The following TPD52 variants were observed in gnomAD, a reference collection of about 807,000 sequenced individuals.
TPD52 encodes the protein tumor protein D52, also known as prostate and colon associated protein.
In TPD52, 17 loss-of-function variants were observed where a neutral mutation model predicts 31.3. The ratio of observed to expected loss-of-function variants is 0.54; its 90% CI spans 0.37 to 0.82. The LOEUF is 0.82. Among genes scored for constraint, TPD52 ranks in the 40% least tolerant of loss-of-function variants. The pLI is 0.00. For synonymous variants in TPD52, 83 were observed against 89.6 expected, an observed-to-expected ratio of 0.93 and a Z score of 0.42; for missense variants, 212 against 240.1, an observed-to-expected ratio of 0.88 and a Z score of 0.77.
rs116527409 is a variant in TPD52, at chr8:80,125,292, T to C, written c.19+46133A>G. On this transcript the variant is annotated intron_variant, in intron 1 of 7. Transcript: ENST00000518937. ...TGGAGAGACTAGCCTAACCAAAATA[T>C]TAATAACGAGACCCCCTCTCTACAA... is the stretch of plus-strand genomic sequence containing the variant. Among the ~76,000 whole-genome samples, 783 of 152,264 alleles carry C rather than the reference T, an allele frequency of 5.1e-3. 7 individuals are homozygous for C. Among genetic ancestry groups the C allele is most frequent in the African/African-American group, 0.018 (745 of 41,552 alleles).
chr8:80,130,870 C>G (rs1311501016), intron 1 of TPD52, among the ~76,000 whole-genome samples: 1 of 152,172 alleles, frequency 6.6e-6, no homozygotes, highest in African/African-American at 2.4e-5. Flanking sequence ...AAAGGGGAAT[C>G]ATTTAACGTA....
At chr8:80,095,969 C>CA (rs1563622627) in intron 1 of TPD52, among the ~76,000 whole-genome samples, 7 of 151,862 alleles carry the variant, frequency 4.6e-5, no homozygotes, top group Non-Finnish European at 8.8e-5. Flanking sequence ...TACATACATA[C>CA]TATCGGCCAG....
intron 5 of TPD52, 36 bp downstream of exon 5, chr8:80,050,409 C>G: frequency 6.3e-7 from 1 of 1,592,782 alleles, no homozygotes. Context: ...TCTTATACAA[C>G]TGCTGGACTG....
chr8:80,053,418 TTTC>T lies in TPD52; in HGVS notation c.145_147del (p.Glu49del). ...GCTAACACTTGAGACAGAGTCTGGATTTCTTCTTCTACCTATGAGGAAGGGGTT... is the reference window on the plus strand; with the variant it reads ...GCTAACACTTGAGACAGAGTCTGGATTTCTTCTACCTATGAGGAAGGGGTT... On this transcript the variant is annotated inframe_deletion, in exon 3 of 8. Coordinates refer to ENST00000518937, the MANE Select transcript of TPD52 (RefSeq NM_001025253.3). 1 of 1,613,242 alleles carries T rather than the reference TTTC, an allele frequency of 6.2e-7. No homozygotes were observed. The highest frequency in any genetic ancestry group is 8.5e-7 in the Non-Finnish European group (1 of 1,179,528).
chr8:80,058,279 A>C (rs1812116899), intron 2 of TPD52, among the ~76,000 whole-genome samples: 1 of 152,210 alleles, frequency 6.6e-6, no homozygotes. Flanking sequence ...GTGCATAAAA[A>C]CTTACATGAA....
chr8:80,141,052 G>A (rs1167010902), intron 1 of TPD52, among the ~76,000 whole-genome samples: 2 of 151,772 alleles, frequency 1.3e-5, no homozygotes, highest in Non-Finnish European at 2.9e-5. Context: ...AGCAACACGT[G>A]GATCATCTGT....
At chr8:80,048,503 T>C (rs1423536791) in intron 5 of TPD52, among the ~76,000 whole-genome samples, 1 of 152,220 alleles carries the variant, frequency 6.6e-6, no homozygotes, top group African/African-American at 2.4e-5. Context: ...AGGAGCCTAC[T>C]GTATCCACCT....
intron 1 of TPD52, among the ~76,000 whole-genome samples, chr8:80,083,732 G>C (rs951891677): frequency 6.6e-6 from 1 of 152,118 alleles, no homozygotes; most frequent in Non-Finnish European, 1.5e-5. Flanking sequence ...TGTGAGAATG[G>C]ACTAGTACAC....
downstream of TPD52, among the ~76,000 whole-genome samples, chr8:80,031,879 G>C (rs547686576): frequency 6.6e-6 from 1 of 151,876 alleles, no homozygotes; most frequent in African/African-American, 2.4e-5. Flanking sequence ...CACCCCTGGC[G>C]TGGTGGCTCA....
At chr8:80,064,214 C>T (rs994210308) in intron 2 of TPD52, among the ~76,000 whole-genome samples, 1 of 152,048 alleles carries the variant, frequency 6.6e-6, no homozygotes, top group African/African-American at 2.4e-5. Flanking sequence ...AAGACATTCA[C>T]TACTACTCCT....
At chr8:80,139,364 C>T (rs1413717014) in intron 1 of TPD52, among the ~76,000 whole-genome samples, 1 of 152,028 alleles carries the variant, frequency 6.6e-6, no homozygotes, top group Admixed American at 6.6e-5. Flanking sequence ...AATTTTCATA[C>T]CCCAAAAAGA....
intron 1 of TPD52, chr8:80,066,929 C>G (rs1217711733): frequency 6.6e-6 from 1 of 152,176 alleles, no homozygotes; most frequent in Non-Finnish European, 1.5e-5. Flanking sequence ...ATGTTTTGTA[C>G]AGAACTCCCA....
chr8:80,131,340 T>A (rs191287965), intron 1 of TPD52, among the ~76,000 whole-genome samples: 1 of 152,260 alleles, frequency 6.6e-6, no homozygotes, highest in Non-Finnish European at 1.5e-5. Flanking sequence ...ATCTGCTTTA[T>A]TAATCACTGT....
rs1812101712 is a variant in TPD52 at position 80,171,511 on chromosome 8, C to CCGGCG, written c.-69_-68insCGCCG. 1 of 1,501,276 alleles carries CCGGCG rather than the reference C, an allele frequency of 6.7e-7. No individual in the cohort carries two copies. The highest frequency in any genetic ancestry group is 8.8e-7 in the Non-Finnish European group (1 of 1,138,016). 93.0% of individuals were successfully genotyped at this position (1,501,276 alleles called of 1,614,324 possible). On this transcript the variant is annotated 5_prime_UTR_variant, in exon 1 of 8. Coordinates refer to ENST00000518937, the MANE Select transcript of TPD52 (RefSeq NM_001025253.3). ...TGCAGCCCGTCCCGGCTCGGATCGC[C>CCGGCG]CGCCGCGCCGCGCAGAGCTCCTCCT...
intron 1 of TPD52, among the ~76,000 whole-genome samples, chr8:80,097,350 A>G (rs1895870): frequency 0.55 from 83,213 of 152,136 alleles, 23,472 homozygotes; most frequent in East Asian, 0.79. Flanking sequence ...AAACTATCCA[A>G]AAGATCTAGC....
At chr8:80,067,821 C>T (rs752313505) in intron 1 of TPD52, among the ~76,000 whole-genome samples, 1 of 151,464 alleles carries the variant, frequency 6.6e-6, no homozygotes, top group Non-Finnish European at 1.5e-5. Context: ...TTCATTAATT[C>T]CAACTAAAGT....
rs895585256 is a variant in TPD52 at position 80,053,109 on chromosome 8, T to G, written c.284+173A>C. The G allele has an allele frequency of 1.0e-5, 6 of 594,390 alleles. No individual in the cohort carries two copies. The Admixed American group carries it at 2.1e-4, about 20-fold the overall frequency. 36.8% of individuals were successfully genotyped at this position (594,390 alleles called of 1,614,324 possible). ...CCTTAGAATAAGTGGTCTGGAAAAA[T>G]TGAAGTTACAAAAAAAGGCAGGCAC... On this transcript the variant is annotated intron_variant, in intron 3 of 7. Coordinates refer to ENST00000518937, the MANE Select transcript of TPD52 (RefSeq NM_001025253.3).
chr8:80,112,264 C>T (rs568860483), intron 1 of TPD52, among the ~76,000 whole-genome samples: 1 of 152,306 alleles, frequency 6.6e-6, no homozygotes, highest in South Asian at 2.1e-4. Context: ...CACAATAATT[C>T]TATGAAGTAG....
intron 1 of TPD52, among the ~76,000 whole-genome samples, chr8:80,123,472 AT>A (rs1350753832): frequency 6.6e-6 from 1 of 152,204 alleles, no homozygotes; most frequent in South Asian, 2.1e-4. Flanking sequence ...TGTGCCTGTA[AT>A]CCCAACAGTT....
Sources: allele counts gnomAD v4.1 joint callset (sites outside exome capture counted in the v4.1 genomes callset), GRCh38; gene constraint gnomAD v4.1.1; transcripts MANE v1.5; gene names NCBI Gene and HGNC (gene_info 2026-07-23, HGNC 2026-07-21).